Variants in RNPC3 observed in about 807,000 individuals in gnomAD.
The protein encoded by RNPC3 is RNA binding region (RNP1, RRM) containing 3, also known as RNA-binding region-containing protein 3.
A neutral mutation model predicts 67.5 loss-of-function variants in RNPC3; 48 were observed. The observed-to-expected ratio is 0.71, with a 90% CI of 0.56 to 0.90. RNPC3 has a LOEUF of 0.90. Among genes scored for constraint, RNPC3 ranks in the 40% least tolerant of loss-of-function variants. The pLI, the probability that RNPC3 is intolerant of heterozygous loss-of-function variation, is 0.00. For missense variants in RNPC3, 637 were observed against 626.1 expected, an observed-to-expected ratio of 1.02 and a Z score of -0.19; for synonymous variants, 239 against 210.3, an observed-to-expected ratio of 1.14 and a Z score of -1.18.
At chr1:103,550,906 A>G (rs1469713787) in intron 12 of RNPC3, 35 bp from the exon 13 acceptor site, 3 of 1,602,034 alleles carry the variant, frequency 1.9e-6, no homozygotes, top group South Asian at 1.1e-5. Context: ...ATTGAAACTG[A>G]CATTCTTTGA....
chr1:103,527,480 T>C (rs1451873694), intron 1 of RNPC3, among the ~76,000 whole-genome samples: 1 of 152,246 alleles, frequency 6.6e-6, no homozygotes, highest in Non-Finnish European at 1.5e-5. Context: ...TGTGTCTTTA[T>C]ATGATAGAGG....
chr1:103,543,232 A>C (rs1371166965), intron 8 of RNPC3, 64 bp from the exon 9 acceptor site: 3 of 1,174,406 alleles, frequency 2.6e-6, no homozygotes, highest in African/African-American at 3.2e-5. Context: ...ATAAACTTGA[A>C]ATAATATTTT....
At chr1:103,535,028 CAA>C (rs1309071782) in intron 4 of RNPC3, among the ~76,000 whole-genome samples, 171 bp downstream of exon 4, 4 of 151,776 alleles carry the variant, frequency 2.6e-5, no homozygotes, top group African/African-American at 4.8e-5. Context: ...ATTTTAAAAA[CAA>C]AGATATTTAA....
chr1:103,531,676 A>G (rs931151326), intron 2 of RNPC3, among the ~76,000 whole-genome samples: 5 of 151,776 alleles, frequency 3.3e-5, no homozygotes, highest in Admixed American at 2.0e-4. Flanking sequence ...TCCTTAGCCC[A>G]TGGGATTGTT....
At position 103,525,865 on chromosome 1, in the gene RNPC3, C is replaced by A; in HGVS notation, c.-206C>A. 1.8e-6 allele frequency: 1 copy of A among 544,684 alleles called. No homozygotes were observed. The highest frequency in any genetic ancestry group is 3.1e-5 in the East Asian group (1 of 32,362). The allele number at this position is 544,684 out of a possible 1,614,324, so 33.7% of individuals were successfully genotyped here. ...ACCCCTGGAATTTAAATCATTAGCA[C>A]CGCGCCCTTCCCCGAAGAGTCTTCG... On this transcript the variant is annotated 5_prime_UTR_variant, in exon 1 of 15. Coordinates refer to ENST00000423855, the MANE Select transcript of RNPC3 (RefSeq NM_017619.4).
At chr1:103,540,262 G>A (rs888290721) in intron 7 of RNPC3, among the ~76,000 whole-genome samples, 4 of 152,120 alleles carry the variant, frequency 2.6e-5, no homozygotes, top group African/African-American at 9.7e-5. Flanking sequence ...AGTCTTTTGT[G>A]TATAAGTTGT....
chr1:103,554,755 A>G (rs1352284673), intron 14 of RNPC3: 1 of 152,592 alleles, frequency 6.6e-6, no homozygotes, highest in African/African-American at 2.4e-5. Flanking sequence ...TGCTACTATT[A>G]TTAGATCTGT....
At position 103,533,314 on chromosome 1, in the gene RNPC3, G is replaced by A. The variant is rs149976580; in HGVS notation, c.241-425G>A. Among the ~76,000 whole-genome samples, 668 of 152,092 alleles carry A rather than the reference G, an allele frequency of 4.4e-3. 8 individuals carry two copies. Among genetic ancestry groups the A allele is most frequent in the African/African-American group, 0.015 (633 of 41,530 alleles). On this transcript the variant is annotated intron_variant, in intron 2 of 14. Transcript: ENST00000423855. Reference sequence around the variant, plus strand: ...CGGAATACAAGAAAAATATTGTGAGGTTAAGGAACAAGGAGAAAGTACAAA... The same window carrying A: ...CGGAATACAAGAAAAATATTGTGAGATTAAGGAACAAGGAGAAAGTACAAA...
chr1:103,535,127 G>A (rs924774447), intron 4 of RNPC3, among the ~76,000 whole-genome samples: 4 of 151,994 alleles, frequency 2.6e-5, no homozygotes, highest in African/African-American at 9.7e-5. Context: ...CTATTAAGAT[G>A]TTCAGAGCTA....
At chr1:103,529,053 C>A (rs1650779257) in intron 2 of RNPC3, among the ~76,000 whole-genome samples, 1 of 151,966 alleles carries the variant, frequency 6.6e-6, no homozygotes, top group Non-Finnish European at 1.5e-5. Flanking sequence ...AATGATAGCC[C>A]AGATAGAGTA....
intron 8 of RNPC3, 99 bp downstream of exon 8, chr1:103,541,574 G>C: frequency 8.3e-7 from 1 of 1,208,486 alleles, no homozygotes; most frequent in Admixed American, 3.5e-5. Flanking sequence ...TTTCCTGTCA[G>C]TGTTCTTGGT....
chr1:103,545,007 T>C lies in RNPC3; in HGVS notation c.1112T>C (p.Leu371Ser). 2.0e-6 allele frequency: 3 copies of C among 1,534,412 alleles called. No individual in the cohort carries two copies. Among genetic ancestry groups the C allele is most frequent in the Non-Finnish European group, 2.6e-6 (3 of 1,145,110 alleles). Residue 371 changes from leucine (L) to serine (S), a missense_variant, in exon 10 of 15, where the codon TTG becomes TCG. This residue lies in a region of RNPC3 where 536 missense variants were observed against 500.3 expected (regional missense o/e 1.07). Transcript: ENST00000423855. ...GFGKIFPKPN[L>S]DITEEIKEDS... ...GGAAAAATCTTCCCCAAACCTAATTTGGACATCACAGAGGAGATTAAAGAA... is the reference window on the plus strand; with the variant it reads ...GGAAAAATCTTCCCCAAACCTAATTCGGACATCACAGAGGAGATTAAAGAA...
At chr1:103,527,813 T>A (rs533666745) in intron 2 of RNPC3, 71 bp downstream of exon 2, 5 of 1,122,628 alleles carry the variant, frequency 4.5e-6, no homozygotes, top group Non-Finnish European at 5.1e-6. Context: ...AGATAATGTT[T>A]AACTGTGGTT....
intron 12 of RNPC3, among the ~76,000 whole-genome samples, chr1:103,547,441 G>A (rs1173403558): frequency 6.6e-6 from 1 of 152,104 alleles, no homozygotes; most frequent in Middle Eastern, 3.2e-3. Context: ...CATTGCATAA[G>A]AATCACCTGG....
At chr1:103,528,004 C>A (rs1650758737) in intron 2 of RNPC3, among the ~76,000 whole-genome samples, 2 of 152,130 alleles carry the variant, frequency 1.3e-5, no homozygotes, top group Non-Finnish European at 2.9e-5. Flanking sequence ...GTGACTGTTA[C>A]AAGGTAAGAT....
intron 12 of RNPC3, among the ~76,000 whole-genome samples, chr1:103,548,288 A>G (rs181987137): frequency 6.6e-6 from 1 of 152,268 alleles, no homozygotes; most frequent in East Asian, 1.9e-4. Context: ...GTCAGACTGC[A>G]AATTTTCCGA....
rs1297786050 is a variant in RNPC3 at position 103,536,120 on chromosome 1, T to C, written c.556-6T>C. 9.1e-6 allele frequency: 14 copies of C among 1,530,604 alleles called. No individual in the cohort carries two copies. Among genetic ancestry groups the C allele is most frequent in the Non-Finnish European group, 1.1e-5 (13 of 1,141,018 alleles). 94.8% of individuals were successfully genotyped at this position (1,530,604 alleles called of 1,614,324 possible). A position where few individuals can be genotyped will look rare whatever the true frequency, so the allele number is the denominator to read the frequency against. On this transcript the variant is annotated splice_region_variant and splice_polypyrimidine_tract_variant and intron_variant, in intron 5 of 14. Coordinates refer to ENST00000423855, the MANE Select transcript of RNPC3 (RefSeq NM_017619.4). ...TATGTGAATTTAAATGTCTTACCACTTTAAGGTCCTTCATCTTATGAATAA... is the reference window on the plus strand; with the variant it reads ...TATGTGAATTTAAATGTCTTACCACCTTAAGGTCCTTCATCTTATGAATAA...
chr1:103,540,072 G>T (rs1291459304), intron 7 of RNPC3, among the ~76,000 whole-genome samples: 5 of 152,254 alleles, frequency 3.3e-5, no homozygotes, highest in Non-Finnish European at 5.9e-5. Flanking sequence ...TCACCATGTT[G>T]CACAGGCTGG....
intron 9 of RNPC3, among the ~76,000 whole-genome samples, chr1:103,544,565 A>G (rs1651199679): frequency 6.6e-6 from 1 of 151,898 alleles, no homozygotes; most frequent in Non-Finnish European, 1.5e-5. Context: ...ACTTGTGTGA[A>G]TATAGGATAG....
Sources: allele counts gnomAD v4.1 joint callset (sites outside exome capture counted in the v4.1 genomes callset), GRCh38; gene constraint gnomAD v4.1.1; regional missense constraint gnomAD v4.1.1; transcripts MANE v1.5; gene names NCBI Gene and HGNC (gene_info 2026-07-23, HGNC 2026-07-21).